The following SLAMF6 variants were observed in gnomAD, a reference collection of about 807,000 sequenced individuals.
SLAMF6 encodes NK-T-B-antigen.
In SLAMF6, 21 loss-of-function variants were observed where a neutral mutation model predicts 38.3. The observed-to-expected ratio is 0.55, with a 90% CI of 0.39 to 0.79. The LOEUF is 0.79. SLAMF6 is among the 30% of genes least tolerant of loss of function. SLAMF6 has a pLI of 0.00. For missense variants in SLAMF6, 341 were observed against 385.3 expected (o/e 0.89, Z 0.96); for synonymous variants, 152 against 146.3 (o/e 1.04, Z -0.28).
intron 1 of SLAMF6, among the ~76,000 whole-genome samples, chr1:160,516,841 C>A (rs758405401): frequency 4.6e-5 from 7 of 152,206 alleles, no homozygotes; most frequent in Non-Finnish European, 1.0e-4. Context: ...CTCCCTCACA[C>A]CTTATACAAA....
Position 160,487,111 on chromosome 1 carries a change from G to A in SLAMF6, c.944C>T (p.Ser315Phe), listed in dbSNP as rs1653006491. The change falls in exon 7 of 8, where the codon TCC becomes TTC. Residue 315 changes from serine (S) to phenylalanine (F), a missense_variant. Coordinates refer to ENST00000368057, the MANE Select transcript of SLAMF6 (RefSeq NM_001184714.2). ...GAGCAATCGTGGGCTTACCTCTTTG[G>A]AATGATTAATTGTGGAGTAAATTGT... The part of the protein sequence containing the change: ...TITIYSTINH[S>F]KESKPTFSRA... 1 of 1,611,566 alleles carries A rather than the reference G, an allele frequency of 6.2e-7. No homozygotes were observed. Among genetic ancestry groups the A allele is most frequent in the South Asian group, 1.1e-5 (1 of 90,994 alleles).
At chr1:160,488,903 T>C (rs1303606950) in intron 6 of SLAMF6, among the ~76,000 whole-genome samples, 185 bp downstream of exon 6, 3 of 152,086 alleles carry the variant, frequency 2.0e-5, no homozygotes, top group Admixed American at 6.5e-5. Flanking sequence ...TGAATAAACA[T>C]TCCCTTAAGG....
rs149899273 is a variant in SLAMF6 at position 160,491,467 on chromosome 1, C to G, written c.383-79G>C. 2.4e-4 allele frequency: 366 copies of G among 1,538,482 alleles called. 1 individual carries two copies. In the African/African-American group the frequency reaches 4.2e-3, roughly 18 times the overall value. On this transcript the variant is annotated intron_variant, in intron 2 of 7. Coordinates refer to ENST00000368057, the MANE Select transcript of SLAMF6 (RefSeq NM_001184714.2). Reference sequence around the variant, plus strand: ...CCCCTGTGAAAAATATCCTTCACCTCAATGTTTTGTATTTCACCTTTGCTG... The same window carrying G: ...CCCCTGTGAAAAATATCCTTCACCTGAATGTTTTGTATTTCACCTTTGCTG...
At chr1:160,513,990 A>G (rs562199400) in intron 1 of SLAMF6, among the ~76,000 whole-genome samples, 1 of 152,332 alleles carries the variant, frequency 6.6e-6, no homozygotes, top group East Asian at 1.9e-4. Context: ...TAGTATCATG[A>G]TGACAGGATC....
At chr1:160,506,027 C>A (rs930980705) in intron 1 of SLAMF6, among the ~76,000 whole-genome samples, 1 of 150,030 alleles carries the variant, frequency 6.7e-6, no homozygotes, top group Non-Finnish European at 1.5e-5. Context: ...GGGACACCAT[C>A]AAAAATACCA....
intron 1 of SLAMF6, among the ~76,000 whole-genome samples, chr1:160,516,815 A>G (rs1571316944): frequency 6.6e-6 from 1 of 152,340 alleles, no homozygotes; most frequent in East Asian, 1.9e-4. Flanking sequence ...ATATGCAGAA[A>G]ATTGAAACTG....
chr1:160,511,109 G>A (rs1654449745), intron 1 of SLAMF6, among the ~76,000 whole-genome samples: 2 of 152,106 alleles, frequency 1.3e-5, no homozygotes, highest in Admixed American at 1.3e-4. Context: ...TACATCCTAT[G>A]TTCATTAATT....
intron 4 of SLAMF6, 87 bp from the exon 5 acceptor site, chr1:160,490,323 G>A: frequency 6.3e-7 from 1 of 1,596,146 alleles, no homozygotes; most frequent in Non-Finnish European, 8.6e-7. Flanking sequence ...GGGATGTGGT[G>A]GGAGGGGACC....
intron 1 of SLAMF6, among the ~76,000 whole-genome samples, chr1:160,519,321 T>G (rs971673837): frequency 6.6e-6 from 1 of 152,142 alleles, no homozygotes; most frequent in Non-Finnish European, 1.5e-5. Context: ...AAACAAGTGT[T>G]GATGAGGATG....
rs151208543 is a variant in SLAMF6, at chr1:160,496,770, C to T, written c.50-377G>A. 2.6e-4 allele frequency among the ~76,000 whole-genome samples: 40 copies of T among 152,272 alleles called. No homozygotes were observed. In the East Asian group the frequency reaches 7.3e-3, roughly 28 times the overall value. On this transcript the variant is annotated intron_variant, in intron 1 of 7. Coordinates refer to ENST00000368057, the MANE Select transcript of SLAMF6 (RefSeq NM_001184714.2). ...AGACTCCAAAAACTGCAAGTCTTTG[C>T]TAATAAAGCATAATTAAAGCCTGAT... is the stretch of plus-strand genomic sequence containing the variant.
chr1:160,496,402 A>G lies in SLAMF6; in HGVS notation c.50-9T>C, dbSNP rs775840441. On this transcript the variant is annotated splice_polypyrimidine_tract_variant and intron_variant, in intron 1 of 7. Transcript: ENST00000368057. ...TTGTGAAACTACATTCCCTGTAAAC[A>G]CAGAAGGAAAGGTTTTAAAAATGTT... 4.3e-5 allele frequency: 69 copies of G among 1,609,578 alleles called. No individual in the cohort carries two copies. Among genetic ancestry groups the G allele is most frequent in the Non-Finnish European group, 4.4e-5 (52 of 1,176,926 alleles).
intron 1 of SLAMF6, among the ~76,000 whole-genome samples, chr1:160,521,059 C>T (rs1218759894): frequency 6.6e-6 from 1 of 152,154 alleles, no homozygotes; most frequent in Non-Finnish European, 1.5e-5. Context: ...AGGTGCCCTG[C>T]TTATTTTTTT....
At chr1:160,506,492 C>T (rs2102048737) in intron 1 of SLAMF6, among the ~76,000 whole-genome samples, 1 of 152,220 alleles carries the variant, frequency 6.6e-6, no homozygotes, top group Admixed American at 6.5e-5. Flanking sequence ...GAGTTTATTG[C>T]TAGTAGACTT....
chr1:160,512,491 T>C (rs73014367), intron 1 of SLAMF6, among the ~76,000 whole-genome samples: 1 of 152,152 alleles, frequency 6.6e-6, no homozygotes, highest in Non-Finnish European at 1.5e-5. Flanking sequence ...CAGCACATCC[T>C]TTCTGCCAAG....
Position 160,490,679 on chromosome 1 carries a change from T to G in SLAMF6, c.653A>C (p.Lys218Thr), listed in dbSNP as rs761418753. The stretch of plus-strand genomic sequence containing the variant: ...CATTTTGGTATCTGTATATTGAATT[T>G]TAACATCTGAAAAGAGAAAAAAGAA... Reference protein sequence around the residue: ...VSAQKLCEDVKIQYTDTKMIL... With the variant: ...VSAQKLCEDVTIQYTDTKMIL... Residue 218 changes from lysine (K) to threonine (T), a missense_variant, in exon 4 of 8, where the codon AAA becomes ACA. Transcript: ENST00000368057. 2.5e-6 allele frequency: 4 copies of G among 1,612,880 alleles called. No homozygotes were observed. Among genetic ancestry groups the G allele is most frequent in the Non-Finnish European group, 3.4e-6 (4 of 1,179,660 alleles).
intron 1 of SLAMF6, among the ~76,000 whole-genome samples, chr1:160,521,635 T>G (rs1654989541): frequency 6.6e-6 from 1 of 152,168 alleles, no homozygotes; most frequent in Non-Finnish European, 1.5e-5. Context: ...TTAACATATC[T>G]CTATGCCATT....
intron 1 of SLAMF6, among the ~76,000 whole-genome samples, chr1:160,519,791 G>A (rs986713659): frequency 3.9e-5 from 6 of 151,922 alleles, no homozygotes; most frequent in African/African-American, 1.5e-4. Flanking sequence ...AGGGGCTGGG[G>A]GGGAGGGGAG....
chr1:160,518,614 C>A (rs1011623600), intron 1 of SLAMF6, among the ~76,000 whole-genome samples: 1 of 152,118 alleles, frequency 6.6e-6, no homozygotes, highest in Non-Finnish European at 1.5e-5. Flanking sequence ...AAATCATGTC[C>A]TTTGCAGGGA....
intron 1 of SLAMF6, among the ~76,000 whole-genome samples, chr1:160,519,997 A>G (rs1654913830): frequency 6.6e-6 from 1 of 152,192 alleles, no homozygotes; most frequent in Admixed American, 6.5e-5. Context: ...ATCTGGGTTA[A>G]GGGACCAAAA....
Sources: allele counts gnomAD v4.1 joint callset (sites outside exome capture counted in the v4.1 genomes callset), GRCh38; gene constraint gnomAD v4.1.1; transcripts MANE v1.5; gene names NCBI Gene and HGNC (gene_info 2026-07-23, HGNC 2026-07-21).